CCSER1: variants seen among roughly 807,000 people sequenced by gnomAD.
CCSER1 encodes coiled-coil serine rich protein 1.
Under a neutral mutation model 82.0 loss-of-function variants are expected in CCSER1, and 41 were observed. The ratio of observed to expected loss-of-function variants is 0.50; its 90% CI spans 0.39 to 0.65. CCSER1 has a LOEUF of 0.65. CCSER1 is among the 30% of genes least tolerant of loss of function. The pLI is 0.00. For synonymous variants in CCSER1, 414 were observed against 383.9 expected (o/e 1.08, Z -0.92); for missense variants, 1,119 against 1,064.2 (o/e 1.05, Z -0.72).
chr4:91,006,205 G>A (rs1050995294), intron 9 of CCSER1, among the ~76,000 whole-genome samples: 2 of 151,344 alleles, frequency 1.3e-5, no homozygotes, highest in Non-Finnish European at 2.9e-5. Flanking sequence ...ATGTTTTATA[G>A]TTTTCAGTGT....
intron 10 of CCSER1, among the ~76,000 whole-genome samples, chr4:91,261,245 T>C (rs771826593): frequency 2.0e-4 from 31 of 152,334 alleles, no homozygotes; most frequent in Non-Finnish European, 3.4e-4. Flanking sequence ...AGTGCTTGTA[T>C]AGTCTTTCCA....
intron 4 of CCSER1, among the ~76,000 whole-genome samples, chr4:90,450,823 T>A (rs1039381463): frequency 1.3e-5 from 2 of 152,190 alleles, no homozygotes; most frequent in Non-Finnish European, 2.9e-5. Flanking sequence ...CGATTGGGCC[T>A]CTGATAGTTG....
chr4:91,210,044 G>A (rs1318979232), intron 10 of CCSER1, among the ~76,000 whole-genome samples: 3 of 151,662 alleles, frequency 2.0e-5, no homozygotes, highest in South Asian at 2.1e-4. Flanking sequence ...GGGAAAGTAC[G>A]AGATGAATCT....
At chr4:91,183,653 A>T (rs1169648656) in intron 10 of CCSER1, among the ~76,000 whole-genome samples, 1 of 151,696 alleles carries the variant, frequency 6.6e-6, no homozygotes, top group Non-Finnish European at 1.5e-5. Flanking sequence ...GTGAATTAGT[A>T]TGTGGAAGAA....
At chr4:90,383,724 T>C (rs567165984) in intron 3 of CCSER1, among the ~76,000 whole-genome samples, 19 of 131,146 alleles carry the variant, frequency 1.4e-4, no homozygotes, top group African/African-American at 5.4e-4. Flanking sequence ...ATAATTTTTC[T>C]TCCTTTCTTT....
intron 7 of CCSER1, among the ~76,000 whole-genome samples, chr4:90,746,625 A>G (rs1397874301): frequency 1.3e-5 from 2 of 152,120 alleles, no homozygotes; most frequent in Non-Finnish European, 2.9e-5. Context: ...CCTCCATTCT[A>G]AAAACCTGGC....
chr4:91,077,610 C>G (rs1220252568), intron 9 of CCSER1, among the ~76,000 whole-genome samples: 1 of 152,102 alleles, frequency 6.6e-6, no homozygotes, highest in Non-Finnish European at 1.5e-5. Context: ...TGGGGCTTGC[C>G]AGACAAATGG....
chr4:90,692,502 A>G (rs1736185263), intron 6 of CCSER1, among the ~76,000 whole-genome samples: 1 of 151,980 alleles, frequency 6.6e-6, no homozygotes, highest in Admixed American at 6.6e-5. Flanking sequence ...AGATTGTGTT[A>G]TAGGCATAAT....
intron 5 of CCSER1, among the ~76,000 whole-genome samples, chr4:90,494,924 A>T (rs192872486): frequency 4.7e-4 from 72 of 151,774 alleles, no homozygotes; most frequent in African/African-American, 1.7e-3. Context: ...TGATGCCTAT[A>T]TCCCTTGTTT....
intron 1 of CCSER1, among the ~76,000 whole-genome samples, chr4:90,210,086 C>T (rs1327435330): frequency 1.3e-5 from 2 of 152,018 alleles, no homozygotes; most frequent in Admixed American, 6.5e-5. Context: ...TCTCTTTTTC[C>T]CTTCCATGCT....
At chr4:90,834,928 C>A (rs909081434) in intron 8 of CCSER1, among the ~76,000 whole-genome samples, 2 of 152,184 alleles carry the variant, frequency 1.3e-5, no homozygotes, top group Non-Finnish European at 2.9e-5. Flanking sequence ...ACAAAACTGT[C>A]TATAGTTAAC....
rs144997656 is a variant in CCSER1, at chr4:90,993,851, A to C, written c.2172+70404A>C. The stretch of plus-strand genomic sequence containing the variant: ...ATACGAATTTTGAGAAGACATAAAC[A>C]GTCACTAACATACATTACAATATTT... On this transcript the variant is annotated intron_variant, in intron 9 of 10. Transcript: ENST00000509176. Among the ~76,000 whole-genome samples the C allele has an allele frequency of 3.9e-4, 59 of 152,266 alleles. 1 individual carries two copies. The East Asian group carries it at 7.6e-3, about 20-fold the overall frequency.
intron 1 of CCSER1, among the ~76,000 whole-genome samples, chr4:90,183,324 G>A (rs904816317): frequency 2.6e-5 from 4 of 152,044 alleles, no homozygotes; most frequent in Middle Eastern, 3.4e-3. Context: ...TCTTGCAGGG[G>A]TAATAACTAA....
intron 3 of CCSER1, among the ~76,000 whole-genome samples, chr4:90,341,855 A>G (rs1463679302): frequency 6.6e-6 from 1 of 152,164 alleles, no homozygotes; most frequent in African/African-American, 2.4e-5. Context: ...AAGAACCTTA[A>G]GGTGTCTGGT....
At chr4:91,114,501 C>T (rs1048794407) in intron 10 of CCSER1, among the ~76,000 whole-genome samples, 5 of 152,048 alleles carry the variant, frequency 3.3e-5, no homozygotes, top group Non-Finnish European at 5.9e-5. Flanking sequence ...CAATAAAGAC[C>T]CAGAACTTGA....
Position 90,555,114 on chromosome 4 carries a change from A to AT in CCSER1, c.1725-72902dup, listed in dbSNP as rs199775324. ...CAAAAATATGTTAAACATAAAATTCATTTTTTTTTCATTTGGGGTCTTCAT... is the reference window on the plus strand; with the variant it reads ...CAAAAATATGTTAAACATAAAATTCATTTTTTTTTTCATTTGGGGTCTTCAT... On this transcript the variant is annotated intron_variant, in intron 5 of 10. Coordinates refer to ENST00000509176, the MANE Select transcript of CCSER1 (RefSeq NM_001145065.2). Among the ~76,000 whole-genome samples, 1,022 of 150,990 alleles carry AT rather than the reference A, an allele frequency of 6.8e-3. 9 individuals are homozygous for AT. The highest frequency in any genetic ancestry group is 0.034 in the Middle Eastern group (10 of 294).
At chr4:91,383,080 T>C (rs1751037728) in intron 10 of CCSER1, among the ~76,000 whole-genome samples, 1 of 152,086 alleles carries the variant, frequency 6.6e-6, no homozygotes, top group Non-Finnish European at 1.5e-5. Context: ...TTCAGTATTA[T>C]CAGTGTAGCA....
chr4:90,143,539 A>G lies in CCSER1; in HGVS notation c.-42+15708A>G, dbSNP rs577897469. Among the ~76,000 whole-genome samples the G allele has an allele frequency of 2.0e-5, 3 of 147,210 alleles. No individual in the cohort carries two copies. The East Asian group carries it at 5.9e-4, about 29-fold the overall frequency. On this transcript the variant is annotated intron_variant, in intron 1 of 10. Transcript: ENST00000509176. ...ACACACACACACACCAGGTATTAATATACCATTATAGAATACATCAAGTAT... is the reference window on the plus strand; with the variant it reads ...ACACACACACACACCAGGTATTAATGTACCATTATAGAATACATCAAGTAT...
At chr4:91,334,806 G>A (rs111684593) in intron 10 of CCSER1, among the ~76,000 whole-genome samples, 1 of 151,830 alleles carries the variant, frequency 6.6e-6, no homozygotes. Flanking sequence ...ATCTGTGTTG[G>A]CCATTCTATA....
Sources: gnomAD v4.1 joint callset for allele counts (sites outside exome capture counted in the v4.1 genomes callset) on GRCh38, gnomAD v4.1.1 for gene constraint, MANE v1.5 for transcripts, NCBI Gene and HGNC (gene_info 2026-07-23, HGNC 2026-07-21) for gene names.